SPTLC2: variants seen among roughly 807,000 people sequenced by gnomAD.
SPTLC2 encodes serine palmitoyltransferase 2.
Under a neutral mutation model 62.0 loss-of-function variants are expected in SPTLC2, and 21 were observed. The observed-to-expected ratio is 0.34, with a 90% CI of 0.24 to 0.49. The LOEUF (loss-of-function observed/expected upper bound fraction) is 0.49, where lower values mean the gene tolerates loss of function less well. SPTLC2 is among the 20% of genes least tolerant of loss of function. SPTLC2 has a pLI of 0.99. For synonymous variants in SPTLC2, 261 were observed against 261.8 expected (o/e 1.00, Z 0.03); for missense variants, 511 against 713.0 (o/e 0.72, Z 3.23).
chr14:77,595,229 G>A (rs1165353864), intron 2 of SPTLC2, among the ~76,000 whole-genome samples: 1 of 152,048 alleles, frequency 6.6e-6, no homozygotes, highest in Non-Finnish European at 1.5e-5. Flanking sequence ...CTCGGGAGTG[G>A]TAGCACATGC....
chr14:77,535,391 A>G (rs947014774), intron 9 of SPTLC2, among the ~76,000 whole-genome samples: 1 of 152,164 alleles, frequency 6.6e-6, no homozygotes, highest in African/African-American at 2.4e-5. Context: ...GCGGGATGAG[A>G]AGGCCTTTGG....
In SPTLC2 at chr14:77,509,157, A is replaced by G. The variant is rs149037621; in HGVS notation, c.*3127T>C. 6.6e-6 allele frequency: 1 copy of G among 152,318 alleles called. No individual in the cohort carries two copies. The highest frequency in any genetic ancestry group is 2.4e-5 in the African/African-American group (1 of 41,570). The allele number at this position is 152,318 out of a possible 1,614,324, so 9.4% of individuals were successfully genotyped here. A position where few individuals can be genotyped will look rare whatever the true frequency, so the allele number is the denominator to read the frequency against. On this transcript the variant is annotated 3_prime_UTR_variant, in exon 12 of 12. Coordinates refer to ENST00000216484, the MANE Select transcript of SPTLC2 (RefSeq NM_004863.4). Reference sequence around the variant, plus strand: ...TTACGATAGTGACTAAAGCACTACGATGGCTGGATTCTTCAAACAAATAAG... The same window carrying G: ...TTACGATAGTGACTAAAGCACTACGGTGGCTGGATTCTTCAAACAAATAAG...
At chr14:77,598,122 C>CA (rs11410783) in intron 1 of SPTLC2, among the ~76,000 whole-genome samples, 77,437 of 116,762 alleles carry the variant, frequency 0.66, 23,817 homozygotes, top group South Asian at 0.74. Flanking sequence ...AACCCCATCT[C>CA]AAAAAAAAAA....
rs1432003010 is a variant in SPTLC2 at position 77,512,162 on chromosome 14, G to A, written c.*122C>T. ...TTTAGAGTGGAGGTGGCCACCTTCA[G>A]TAGCTGAGGCAATGTCTTTCACGTG... On this transcript the variant is annotated 3_prime_UTR_variant, in exon 12 of 12. Transcript: ENST00000216484. The A allele has an allele frequency of 7.1e-7, 1 of 1,414,658 alleles. No individual in the cohort carries two copies. Among genetic ancestry groups the A allele is most frequent in the Non-Finnish European group, 9.9e-7 (1 of 1,007,126 alleles). The allele number at this position is 1,414,658 out of a possible 1,614,324, so 87.6% of individuals were successfully genotyped here.
chr14:77,607,179 G>A (rs895863841), intron 1 of SPTLC2, among the ~76,000 whole-genome samples: 1 of 152,014 alleles, frequency 6.6e-6, no homozygotes, highest in Admixed American at 6.6e-5. Flanking sequence ...TATGTAAGAC[G>A]AAAAACACAT....
At chr14:77,531,686 A>G (rs1566770927) in intron 9 of SPTLC2, among the ~76,000 whole-genome samples, 2 of 151,746 alleles carry the variant, frequency 1.3e-5, no homozygotes, top group Non-Finnish European at 2.9e-5. Context: ...CTAATTTTGT[A>G]TTTTTAGTAG....
chr14:77,589,396 G>T (rs983107992), intron 2 of SPTLC2, among the ~76,000 whole-genome samples: 1 of 151,862 alleles, frequency 6.6e-6, no homozygotes, highest in Non-Finnish European at 1.5e-5. Flanking sequence ...ATGTGTGTAC[G>T]TACACACCTA....
rs561827177 is a variant in SPTLC2, at chr14:77,586,238, G to A, written c.328-7129C>T. Among the ~76,000 whole-genome samples the A allele has an allele frequency of 3.9e-5, 6 of 151,992 alleles. No individual in the cohort carries two copies. The East Asian group carries it at 5.8e-4, about 15-fold the overall frequency. ...TTACAGGTGTGCACCACCATATCCC[G>A]CTAATTTTTGTATTTTCAGTAGAGA... On this transcript the variant is annotated intron_variant, in intron 2 of 11. Transcript: ENST00000216484.
At chr14:77,524,769 G>A (rs1277091269) in intron 9 of SPTLC2, among the ~76,000 whole-genome samples, 5 of 151,918 alleles carry the variant, frequency 3.3e-5, no homozygotes, top group African/African-American at 4.8e-5. Flanking sequence ...GACACGTATC[G>A]CATGTTCTGA....
intron 11 of SPTLC2, among the ~76,000 whole-genome samples, chr14:77,516,408 A>T (rs1184229320): frequency 6.6e-6 from 1 of 152,214 alleles, no homozygotes; most frequent in African/African-American, 2.4e-5. Context: ...ACTGCCATAG[A>T]CACTGGTTAT....
chr14:77,588,149 C>T (rs1041932674), intron 2 of SPTLC2, among the ~76,000 whole-genome samples: 10 of 152,164 alleles, frequency 6.6e-5, no homozygotes, highest in South Asian at 2.1e-4. Flanking sequence ...CTGTTGCCCA[C>T]GCCAGTCTAA....
chr14:77,614,057 C>A (rs1485458570), intron 1 of SPTLC2, among the ~76,000 whole-genome samples: 1 of 152,204 alleles, frequency 6.6e-6, no homozygotes, highest in Non-Finnish European at 1.5e-5. Flanking sequence ...AGCATTCCAA[C>A]AGACCGTTCT....
At chr14:77,599,432 C>G (rs562739811) in intron 1 of SPTLC2, among the ~76,000 whole-genome samples, 216 of 152,226 alleles carry the variant, frequency 1.4e-3, no homozygotes, top group African/African-American at 5.0e-3. Flanking sequence ...TATACATATC[C>G]AAGGGGTAAA....
intron 9 of SPTLC2, among the ~76,000 whole-genome samples, chr14:77,530,141 G>A (rs1479795851): frequency 1.3e-5 from 2 of 152,074 alleles, no homozygotes; most frequent in East Asian, 1.9e-4. Flanking sequence ...CTTATGTGGA[G>A]GAGGAGATAG....
chr14:77,547,391 G>A (rs537677774), intron 9 of SPTLC2, among the ~76,000 whole-genome samples: 3 of 152,096 alleles, frequency 2.0e-5, no homozygotes, highest in Non-Finnish European at 1.5e-5. Context: ...ACACCCAAAC[G>A]TTCTTGGGCT....
chr14:77,543,317 T>C (rs182170166), intron 9 of SPTLC2, among the ~76,000 whole-genome samples: 121 of 152,212 alleles, frequency 7.9e-4, no homozygotes, highest in Middle Eastern at 6.8e-3. Context: ...CCTCAGAAAG[T>C]CTTAATGGAC....
At chr14:77,560,472 G>A (rs1056973382) in intron 6 of SPTLC2, among the ~76,000 whole-genome samples, 64 of 151,746 alleles carry the variant, frequency 4.2e-4, no homozygotes, top group Non-Finnish European at 1.0e-4. Flanking sequence ...AAACTTGGCC[G>A]GGCGTGGTGG....
chr14:77,535,580 C>G (rs1163950231), intron 9 of SPTLC2: 1 of 164,392 alleles, frequency 6.1e-6, no homozygotes, highest in Non-Finnish European at 1.3e-5. Context: ...AGAAGGCAGA[C>G]AGAAGTGTTA....
intron 4 of SPTLC2, among the ~76,000 whole-genome samples, chr14:77,576,238 G>A (rs1271085486): frequency 2.0e-5 from 3 of 152,082 alleles, no homozygotes; most frequent in Non-Finnish European, 2.9e-5. Flanking sequence ...AAAATAAATT[G>A]AATCTCTTTA....
Sources: gnomAD v4.1 joint callset for allele counts (sites outside exome capture counted in the v4.1 genomes callset) on GRCh38, gnomAD v4.1.1 for gene constraint, MANE v1.5 for transcripts, NCBI Gene and HGNC (gene_info 2026-07-23, HGNC 2026-07-21) for gene names.